FAM107B: variants seen among roughly 807,000 people sequenced by gnomAD.
FAM107B encodes protein FAM107B.
A neutral mutation model predicts 31.5 loss-of-function variants in FAM107B; 21 were observed. That is an observed-to-expected ratio of 0.67 (90% CI 0.47 to 0.96). FAM107B has a LOEUF of 0.96. Among genes scored for constraint, FAM107B ranks in the 40% least tolerant of loss-of-function variants. The probability of loss-of-function intolerance (pLI) is 0.00; values close to 1 mark genes in which losing one functional copy is unlikely to be tolerated. For missense variants in FAM107B, 452 were observed against 377.1 expected (o/e 1.20, Z -1.64); for synonymous variants, 157 against 141.5 (o/e 1.11, Z -0.78).
intron 1 of FAM107B, among the ~76,000 whole-genome samples, chr10:14,742,187 A>C (rs915260179): frequency 6.6e-6 from 1 of 151,938 alleles, no homozygotes; most frequent in South Asian, 2.1e-4. Flanking sequence ...TCATGACCCA[A>C]CTCACTGTAG....
intron 2 of FAM107B, among the ~76,000 whole-genome samples, chr10:14,563,247 AT>A (rs200389630): frequency 1.6e-3 from 236 of 152,140 alleles, no homozygotes; most frequent in African/African-American, 4.9e-3. Flanking sequence ...AAAAATACTT[AT>A]TTTTTTTCTT....
intron 1 of FAM107B, among the ~76,000 whole-genome samples, chr10:14,771,632 TA>T (rs1449460965): frequency 6.6e-6 from 1 of 150,500 alleles, no homozygotes. Context: ...AAAAATAAAT[TA>T]AAAAACAAAT....
chr10:14,624,761 G>A (rs74122858), intron 2 of FAM107B, among the ~76,000 whole-genome samples: 6,835 of 152,238 alleles, frequency 0.045, 449 homozygotes, highest in African/African-American at 0.14. Context: ...GCTGGCAAAC[G>A]CAAGAAAAGA....
chr10:14,690,066 T>A, intron 1 of FAM107B, among the ~76,000 whole-genome samples: 1 of 150,718 alleles, frequency 6.6e-6, no homozygotes, highest in African/African-American at 2.5e-5. Context: ...ACCTGTCATC[T>A]CAGATCCAGC....
intron 3 of FAM107B, among the ~76,000 whole-genome samples, chr10:14,526,513 G>C (rs936693647): frequency 6.6e-6 from 1 of 152,132 alleles, no homozygotes; most frequent in Admixed American, 6.5e-5. Context: ...TGTAATCTTT[G>C]GTTTGGCCTG....
chr10:14,576,788 A>C (rs776345145), intron 2 of FAM107B, among the ~76,000 whole-genome samples: 9 of 152,288 alleles, frequency 5.9e-5, no homozygotes, highest in Non-Finnish European at 1.3e-4. Context: ...AGTCCCAAAA[A>C]CCGTTTTATT....
intron 2 of FAM107B, among the ~76,000 whole-genome samples, chr10:14,575,133 T>G (rs576556509): frequency 1.3e-4 from 20 of 152,298 alleles, no homozygotes; most frequent in African/African-American, 4.6e-4. Flanking sequence ...GGTGGCATAT[T>G]TTTTAGAATT....
At chr10:14,570,234 G>GTA (rs57377516) in intron 2 of FAM107B, among the ~76,000 whole-genome samples, 3 of 37,644 alleles carry the variant, frequency 8.0e-5, no homozygotes, top group African/African-American at 1.6e-4. Context: ...AATGTGGTGG[G>GTA]TGTGTGTGTG....
At chr10:14,662,435 G>T (rs1854269491) in intron 2 of FAM107B, among the ~76,000 whole-genome samples, 1 of 149,572 alleles carries the variant, frequency 6.7e-6, no homozygotes, top group Non-Finnish European at 1.5e-5. Flanking sequence ...GGAGTGCAGT[G>T]GCACAATCAT....
At chr10:14,661,271 G>A (rs1479526795) in intron 2 of FAM107B, among the ~76,000 whole-genome samples, 1 of 152,176 alleles carries the variant, frequency 6.6e-6, no homozygotes, top group Non-Finnish European at 1.5e-5. Flanking sequence ...TTGATTCTCT[G>A]TGTCAAATTG....
intron 3 of FAM107B, among the ~76,000 whole-genome samples, chr10:14,525,514 T>A (rs1028298405): frequency 1.3e-5 from 2 of 152,258 alleles, no homozygotes; most frequent in African/African-American, 2.4e-5. Context: ...AAATGTTCTA[T>A]GTGAACAGTG....
chr10:14,604,114 A>ACCCCCCCCCCCCCCCGCCCCC, intron 2 of FAM107B: 1 of 340,934 alleles, frequency 2.9e-6, no homozygotes, highest in Non-Finnish European at 3.9e-6. Context: ...GCGCACGGGG[A>ACCCCCCCCCCCCCCCGCCCCC]CCCCCCACCC....
intron 2 of FAM107B, among the ~76,000 whole-genome samples, chr10:14,536,953 A>G (rs1340206339): frequency 6.6e-6 from 1 of 152,170 alleles, no homozygotes; most frequent in African/African-American, 2.4e-5. Flanking sequence ...CCGAAAATGT[A>G]TTTTTACAAA....
intron 2 of FAM107B, among the ~76,000 whole-genome samples, chr10:14,546,459 TG>T (rs1185245071): frequency 8.5e-5 from 13 of 152,256 alleles, no homozygotes; most frequent in Non-Finnish European, 2.9e-5. Flanking sequence ...ATGTTTCAAC[TG>T]TAAGTACACT....
At position 14,753,942 on chromosome 10, in the gene FAM107B, C is replaced by CT. The variant is rs199813069; in HGVS notation, c.411+20310dup. On this transcript the variant is annotated intron_variant, in intron 1 of 4. Coordinates refer to ENST00000181796, the MANE Select transcript of FAM107B (RefSeq NM_031453.4). Reference sequence around the variant, plus strand: ...ATCATAGATGAAAAGTCTTTTTTTTCTTTTTTTTTTTTTTTTGAGACAAAG... The same window carrying CT: ...ATCATAGATGAAAAGTCTTTTTTTTCTTTTTTTTTTTTTTTTTGAGACAAAG... Among the ~76,000 whole-genome samples, 563 of 134,046 alleles carry CT rather than the reference C, an allele frequency of 4.2e-3. 1 individual carries two copies. The highest frequency in any genetic ancestry group is 0.015 in the Middle Eastern group (4 of 262). The allele number at this position is 134,046 out of a possible 152,430, so 87.9% of individuals were successfully genotyped here.
intron 2 of FAM107B, among the ~76,000 whole-genome samples, chr10:14,539,480 G>C (rs1847961880): frequency 6.6e-6 from 1 of 151,632 alleles, no homozygotes; most frequent in African/African-American, 2.4e-5. Flanking sequence ...CATGATCAAA[G>C]CCAAAGTTAA....
intron 1 of FAM107B, among the ~76,000 whole-genome samples, chr10:14,688,399 T>A (rs1855042210): frequency 6.6e-6 from 1 of 152,162 alleles, no homozygotes; most frequent in South Asian, 2.1e-4. Context: ...CATGTATACA[T>A]CTGTCCTATT....
chr10:14,770,003 T>TC (rs543191891), intron 1 of FAM107B, among the ~76,000 whole-genome samples: 1 of 152,150 alleles, frequency 6.6e-6, no homozygotes, highest in African/African-American at 2.4e-5. Context: ...ATTCTAGTCT[T>TC]CCCCTGTCTT....
intron 1 of FAM107B, among the ~76,000 whole-genome samples, chr10:14,762,762 A>T (rs1407137403): frequency 1.5e-5 from 2 of 133,624 alleles, no homozygotes; most frequent in Admixed American, 7.1e-5. Context: ...TCTCACACAC[A>T]CACACACACA....
Sources: allele counts gnomAD v4.1 joint callset (sites outside exome capture counted in the v4.1 genomes callset), GRCh38; gene constraint gnomAD v4.1.1; transcripts MANE v1.5; gene names NCBI Gene and HGNC (gene_info 2026-07-23, HGNC 2026-07-21).